The following DEFB130A variants were observed in gnomAD, a reference collection of about 807,000 sequenced individuals.
The protein encoded by DEFB130A is defensin beta 130A.
At position 12,316,791 on chromosome 8, in the gene DEFB130A, C is replaced by A. The variant is rs1364787540; in HGVS notation, c.58+1468G>T. Among the ~76,000 whole-genome samples the A allele has an allele frequency of 2.7e-5, 4 of 149,078 alleles. No individual in the cohort carries two copies. In the East Asian group the frequency reaches 5.8e-4, roughly 22 times the overall value. The stretch of plus-strand genomic sequence containing the variant: ...AACTATCTTACACCAGTGAGAATGG[C>A]TATTATTAAAAAGTTAAAAAATAAC... On this transcript the variant is annotated intron_variant, in intron 1 of 1. Coordinates refer to ENST00000400079, the MANE Select transcript of DEFB130A (RefSeq NM_001037804.1).
chr8:12,316,024 A>G (rs1337512988), intron 1 of DEFB130A, among the ~76,000 whole-genome samples: 1 of 50,798 alleles, frequency 2.0e-5, no homozygotes, highest in Non-Finnish European at 3.1e-5. Flanking sequence ...ACTAATCCTA[A>G]GCAAAAAGAG....
chr8:12,316,649 A>G (rs1036884218), intron 1 of DEFB130A, among the ~76,000 whole-genome samples: 2 of 48,170 alleles, frequency 4.2e-5, no homozygotes, highest in Admixed American at 5.8e-4. Context: ...TGGGGAAAAG[A>G]CATGAAAAAC....
intron 1 of DEFB130A, among the ~76,000 whole-genome samples, chr8:12,316,706 C>G (rs1696616820): frequency 8.1e-6 from 1 of 122,770 alleles, no homozygotes; most frequent in South Asian, 2.9e-4. Context: ...AGCCAGCAAA[C>G]ATGAAAAGTA....
intron 1 of DEFB130A, among the ~76,000 whole-genome samples, chr8:12,315,178 T>C (rs1281492461): frequency 1.1e-5 from 1 of 91,894 alleles, no homozygotes; most frequent in African/African-American, 2.9e-5. Flanking sequence ...TAAAAACAAC[T>C]GCCACTAAAT....
intron 1 of DEFB130A, among the ~76,000 whole-genome samples, chr8:12,314,839 AG>A (rs1809492594): frequency 7.9e-6 from 1 of 127,118 alleles, no homozygotes; most frequent in Non-Finnish European, 1.6e-5. Context: ...TGACTATTTT[AG>A]GTACCTCATA....
At chr8:12,316,730 A>C (rs1809548553) in intron 1 of DEFB130A, among the ~76,000 whole-genome samples, 1 of 138,772 alleles carries the variant, frequency 7.2e-6, no homozygotes, top group Non-Finnish European at 1.5e-5. Context: ...CAACACCACT[A>C]ATCACTAGAG....
rs1175345031 is a variant in DEFB130A, at chr8:12,316,822, C to T, written c.58+1437G>A. Among the ~76,000 whole-genome samples, 9 of 149,418 alleles carry T rather than the reference C, an allele frequency of 6.0e-5. No homozygotes were observed. The East Asian group carries it at 9.7e-4, about 16-fold the overall frequency. On this transcript the variant is annotated intron_variant, in intron 1 of 1. Transcript: ENST00000400079. ...TTAAAAAGTTAAAAAATAACAGAAA[C>T]GCAGATGAGGCTGTGGAGAAAAGGA... is the stretch of plus-strand genomic sequence containing the variant.
intron 1 of DEFB130A, among the ~76,000 whole-genome samples, chr8:12,311,722 C>A (rs937391953): frequency 1.3e-5 from 1 of 78,586 alleles, no homozygotes; most frequent in African/African-American, 5.9e-5. Flanking sequence ...CTCAATACCT[C>A]ATAGATAGGT....
rs1346261715 is a variant in DEFB130A, at chr8:12,311,664, C to G, written c.59-521G>C. On this transcript the variant is annotated intron_variant, in intron 1 of 1. Coordinates refer to ENST00000400079, the MANE Select transcript of DEFB130A (RefSeq NM_001037804.1). ...ATCAATCCTTGAGATTTTATCTAAA[C>G]TAATTTCCTCATTTCAGAAGTATGT... is the stretch of plus-strand genomic sequence containing the variant. 3.9e-5 allele frequency among the ~76,000 whole-genome samples: 2 copies of G among 51,860 alleles called. 1 individual carries two copies. Among genetic ancestry groups the G allele is most frequent in the Non-Finnish European group, 6.2e-5 (2 of 32,320 alleles). The allele number at this position is 51,860 out of a possible 152,430, so 34.0% of individuals were successfully genotyped here. A position where few individuals can be genotyped will look rare whatever the true frequency, so the allele number is the denominator to read the frequency against.
In DEFB130A at chr8:12,311,748, T is replaced by C. The variant is rs552104553; in HGVS notation, c.59-605A>G. Among the ~76,000 whole-genome samples, 25 of 108,060 alleles carry C rather than the reference T, an allele frequency of 2.3e-4. 3 individuals are homozygous for C. The highest frequency in any genetic ancestry group is 8.8e-4 in the African/African-American group (24 of 27,308). 70.9% of individuals were successfully genotyped at this position (108,060 alleles called of 152,430 possible). A position where few individuals can be genotyped will look rare whatever the true frequency, so the allele number is the denominator to read the frequency against. On this transcript the variant is annotated intron_variant, in intron 1 of 1. Coordinates refer to ENST00000400079, the MANE Select transcript of DEFB130A (RefSeq NM_001037804.1). ...ATAGATAGGTGGAGGAATGGATAGA[T>C]AGATAGATAGATAGATAGATAGACA...
chr8:12,316,833 C>G (rs1395304287), intron 1 of DEFB130A, among the ~76,000 whole-genome samples: 2 of 149,062 alleles, frequency 1.3e-5, no homozygotes, highest in Non-Finnish European at 2.9e-5. Flanking sequence ...GCAGATGAGG[C>G]TGTGGAGAAA....
intron 1 of DEFB130A, among the ~76,000 whole-genome samples, chr8:12,316,660 A>T (rs1334913084): frequency 6.0e-5 from 3 of 50,188 alleles, no homozygotes; most frequent in Non-Finnish European, 1.0e-4. Flanking sequence ...CATGAAAAAC[A>T]TGAACAGACT....
chr8:12,316,956 G>T (rs1468843936), intron 1 of DEFB130A, among the ~76,000 whole-genome samples: 1 of 85,070 alleles, frequency 1.2e-5, no homozygotes, highest in African/African-American at 5.4e-5. Context: ...TCGTCCAAAA[G>T]AAAACAAATA....
chr8:12,313,427 G>A (rs1421576751), intron 1 of DEFB130A, among the ~76,000 whole-genome samples: 1 of 12,244 alleles, frequency 8.2e-5, no homozygotes, highest in Non-Finnish European at 1.4e-4. Context: ...CCTTAATAGC[G>A]CATTCATCTA....
chr8:12,316,718 C>G (rs1230275809), intron 1 of DEFB130A, among the ~76,000 whole-genome samples: 2 of 131,822 alleles, frequency 1.5e-5, no homozygotes, highest in South Asian at 2.6e-4. Context: ...TGAAAAGTAG[C>G]TCAACACCAC....
chr8:12,313,542 A>C (rs548331282), intron 1 of DEFB130A, among the ~76,000 whole-genome samples: 1,804 of 15,562 alleles, frequency 0.12, 800 homozygotes, highest in African/African-American at 0.34. Context: ...ATGGAACAGG[A>C]TCTGCCTGGA....
chr8:12,316,911 G>C (rs1032787574), intron 1 of DEFB130A, among the ~76,000 whole-genome samples: 2 of 129,350 alleles, frequency 1.5e-5, no homozygotes, highest in African/African-American at 6.4e-5. Context: ...TTAAAACAGA[G>C]CTACCATTCC....
At chr8:12,316,751 C>A (rs1282729226) in intron 1 of DEFB130A, among the ~76,000 whole-genome samples, 4 of 144,656 alleles carry the variant, frequency 2.8e-5, no homozygotes, top group African/African-American at 1.1e-4. Context: ...CAATGCAAAT[C>A]AAAACCACAA....
Position 12,316,028 on chromosome 8 carries a change from A to C in DEFB130A, c.58+2231T>G, listed in dbSNP as rs1809534405. On this transcript the variant is annotated intron_variant, in intron 1 of 1. Coordinates refer to ENST00000400079, the MANE Select transcript of DEFB130A (RefSeq NM_001037804.1). ...CAGACAACCAAACTAATCCTAAGCA[A>C]AAAGAGCAACACTGGAGGCATCATC... Among the ~76,000 whole-genome samples the C allele has an allele frequency of 7.9e-5, 4 of 50,878 alleles. 2 individuals are homozygous for C. In the South Asian group the frequency reaches 3.0e-3, roughly 38 times the overall value. 33.4% of individuals were successfully genotyped at this position (50,878 alleles called of 152,430 possible).
Sources: gnomAD v4.1 joint callset for allele counts (sites outside exome capture counted in the v4.1 genomes callset) on GRCh38, gnomAD v4.1.1 for gene constraint, MANE v1.5 for transcripts, NCBI Gene and HGNC (gene_info 2026-07-23, HGNC 2026-07-21) for gene names.